The following RCSD1 variants were observed in gnomAD, a reference collection of about 807,000 sequenced individuals.
The protein encoded by RCSD1 is capZ-interacting protein.
A neutral mutation model predicts 42.5 loss-of-function variants in RCSD1; 26 were observed. The ratio of observed to expected loss-of-function variants is 0.61; its 90% CI spans 0.45 to 0.85. RCSD1 has a LOEUF of 0.85. RCSD1 is among the 40% of genes least tolerant of loss of function. RCSD1 has a pLI of 0.00. For synonymous variants in RCSD1, 220 were observed against 212.2 expected (o/e 1.04, Z -0.32); for missense variants, 571 against 528.3 (o/e 1.08, Z -0.79).
chr1:167,648,579 G>A lies in RCSD1; in HGVS notation c.6+18150G>A, dbSNP rs1399689391. Among the ~76,000 whole-genome samples, 3 of 152,218 alleles carry A rather than the reference G, an allele frequency of 2.0e-5. No individual in the cohort carries two copies. The East Asian group carries it at 5.8e-4, about 29-fold the overall frequency. ...TCCTGTGGTTCCCCCTCCACCAGCA[G>A]GGAGTGGATAGGAGGGGAGCACAGG... On this transcript the variant is annotated intron_variant, in intron 1 of 6. Coordinates refer to ENST00000367854, the MANE Select transcript of RCSD1 (RefSeq NM_052862.4).
Position 167,641,177 on chromosome 1 carries a change from C to T in RCSD1, c.6+10748C>T, listed in dbSNP as rs144676932. ...TGGGAGGGGAAGTCTGTCTCCAGGC[C>T]GCTATGGAGCATTTCCATGAAGCCA... On this transcript the variant is annotated intron_variant, in intron 1 of 6. Coordinates refer to ENST00000367854, the MANE Select transcript of RCSD1 (RefSeq NM_052862.4). 2.0e-3 allele frequency among the ~76,000 whole-genome samples: 311 copies of T among 152,086 alleles called. 1 individual carries two copies. Among genetic ancestry groups the T allele is most frequent in the Non-Finnish European group, 3.4e-3 (228 of 68,010 alleles).
At chr1:167,639,738 C>A (rs1471184966) in intron 1 of RCSD1, among the ~76,000 whole-genome samples, 6 of 152,224 alleles carry the variant, frequency 3.9e-5, no homozygotes, top group Admixed American at 3.9e-4. Context: ...AGGTGATCCA[C>A]CTGCCTTGGC....
chr1:167,658,471 A>G (rs7546855), intron 1 of RCSD1, among the ~76,000 whole-genome samples: 10,645 of 152,026 alleles, frequency 0.07, 405 homozygotes, highest in South Asian at 0.09. Flanking sequence ...TGTTGCCCAG[A>G]CTGGAGTGCA....
chr1:167,701,312 C>CTTTCTT (rs1659637184), intron 6 of RCSD1, among the ~76,000 whole-genome samples: 1 of 137,724 alleles, frequency 7.3e-6, no homozygotes, highest in African/African-American at 3.0e-5. Context: ...TTCTTTCTTT[C>CTTTCTT]TTTCTTTTTT....
intron 5 of RCSD1, 134 bp downstream of exon 5, chr1:167,694,436 CA>C: frequency 1.2e-6 from 1 of 839,920 alleles, no homozygotes. Context: ...CGTGTTAACC[CA>C]AGTGAAATTT....
intron 1 of RCSD1, chr1:167,633,860 G>C (rs1657763019): frequency 6.6e-6 from 1 of 152,218 alleles, no homozygotes; most frequent in Non-Finnish European, 1.5e-5. Context: ...GATACAATAA[G>C]AATGGAGAAG....
Position 167,673,629 on chromosome 1 carries a change from A to T in RCSD1, c.7-10271A>T, listed in dbSNP as rs1034111004. 2.0e-5 allele frequency among the ~76,000 whole-genome samples: 3 copies of T among 152,386 alleles called. No homozygotes were observed. In the East Asian group the frequency reaches 5.8e-4, roughly 29 times the overall value. On this transcript the variant is annotated intron_variant, in intron 1 of 6. Coordinates refer to ENST00000367854, the MANE Select transcript of RCSD1 (RefSeq NM_052862.4). ...TCAAGTGACTTACTCAAGGTCACCT[A>T]TATAGCTAATGAGTTCTGGAGCCTG...
chr1:167,662,329 G>A (rs2102214928), intron 1 of RCSD1, among the ~76,000 whole-genome samples: 1 of 152,342 alleles, frequency 6.6e-6, no homozygotes, highest in African/African-American at 2.4e-5. Context: ...CTGGGGTGCT[G>A]GGGGATTGGG....
At chr1:167,694,615 T>C (rs1659453981) in intron 5 of RCSD1, among the ~76,000 whole-genome samples, 1 of 152,156 alleles carries the variant, frequency 6.6e-6, no homozygotes, top group African/African-American at 2.4e-5. Flanking sequence ...TGATCCCAGC[T>C]GCATAGTTCA....
At chr1:167,684,481 C>A (rs144827013) in intron 2 of RCSD1, among the ~76,000 whole-genome samples, 44 of 150,046 alleles carry the variant, frequency 2.9e-4, no homozygotes, top group African/African-American at 3.7e-4. Context: ...GAAGAGCGTC[C>A]GGTGACCAGT....
At chr1:167,646,046 C>T (rs574495643) in intron 1 of RCSD1, among the ~76,000 whole-genome samples, 15 of 152,254 alleles carry the variant, frequency 9.9e-5, no homozygotes, top group African/African-American at 3.4e-4. Context: ...AAACCAACTG[C>T]GGGAAGAATC....
At chr1:167,652,951 A>T (rs1332793918) in intron 1 of RCSD1, among the ~76,000 whole-genome samples, 1 of 152,198 alleles carries the variant, frequency 6.6e-6, no homozygotes, top group Non-Finnish European at 1.5e-5. Flanking sequence ...TTATTTTCTT[A>T]TAGTATATTC....
chr1:167,697,537 G>T lies in RCSD1; in HGVS notation c.913G>T (p.Ala305Ser), dbSNP rs749232188. The change falls in exon 6 of 7, where the codon GCT (alanine) becomes TCT (serine). Residue 305 changes from alanine (A) to serine (S), a missense_variant. Transcript: ENST00000367854. ...TGGGAGCCCCAGGGAGGAAAAGCCA[G>T]CTGGAGAGGAAGCAGAGATGGAAAA... ...RCGSPREEKP[A>S]GEEAEMEKAT... 6.2e-7 allele frequency: 1 copy of T among 1,606,630 alleles called. No individual in the cohort carries two copies. Among genetic ancestry groups the T allele is most frequent in the Non-Finnish European group, 8.5e-7 (1 of 1,176,580 alleles).
intron 1 of RCSD1, among the ~76,000 whole-genome samples, chr1:167,673,755 C>T (rs1229351): frequency 0.2 from 29,887 of 152,200 alleles, 3,396 homozygotes; most frequent in South Asian, 0.29. Context: ...TTCCCATAGA[C>T]ATCATGCCCT....
At chr1:167,652,055 T>C (rs959147234) in intron 1 of RCSD1, among the ~76,000 whole-genome samples, 1 of 145,728 alleles carries the variant, frequency 6.9e-6, no homozygotes, top group Non-Finnish European at 1.5e-5. Flanking sequence ...AGAGTCTTGC[T>C]CTGTCACCCA....
At chr1:167,653,463 C>A (rs981141591) in intron 1 of RCSD1, among the ~76,000 whole-genome samples, 3 of 152,186 alleles carry the variant, frequency 2.0e-5, no homozygotes, top group African/African-American at 7.2e-5. Context: ...GACTGCTAAT[C>A]TGATTTAACA....
intron 1 of RCSD1, among the ~76,000 whole-genome samples, chr1:167,640,934 G>A (rs1657989032): frequency 6.6e-6 from 1 of 152,142 alleles, no homozygotes; most frequent in Admixed American, 6.5e-5. Flanking sequence ...AAAGAACTTG[G>A]GGATTGGAGG....
chr1:167,660,260 G>A (rs1010461691), intron 1 of RCSD1, among the ~76,000 whole-genome samples: 2 of 152,100 alleles, frequency 1.3e-5, no homozygotes, highest in Non-Finnish European at 2.9e-5. Flanking sequence ...GTCACATAAG[G>A]AACAGAGTGG....
intron 6 of RCSD1, among the ~76,000 whole-genome samples, chr1:167,700,123 T>A (rs1181938070): frequency 6.6e-6 from 1 of 152,190 alleles, no homozygotes; most frequent in East Asian, 1.9e-4. Flanking sequence ...AGTGAATGAA[T>A]GGATTTTAAA....
Sources: allele counts gnomAD v4.1 joint callset (sites outside exome capture counted in the v4.1 genomes callset), GRCh38; gene constraint gnomAD v4.1.1; transcripts MANE v1.5; gene names NCBI Gene and HGNC (gene_info 2026-07-23, HGNC 2026-07-21).